PGBD5: variants seen among roughly 807,000 people sequenced by gnomAD.
The protein encoded by PGBD5 is piggyBac transposable element-derived protein 5.
Under a neutral mutation model 47.9 loss-of-function variants are expected in PGBD5, and 14 were observed. The ratio of observed to expected loss-of-function variants is 0.29; its 90% CI spans 0.19 to 0.46. PGBD5 has a LOEUF of 0.46. Among genes scored for constraint, PGBD5 ranks in the 20% least tolerant of loss-of-function variants. The pLI, the probability that PGBD5 is intolerant of heterozygous loss-of-function variation, is 1.00. For missense variants in PGBD5, 635 were observed against 716.0 expected, an observed-to-expected ratio of 0.89 and a Z score of 1.29; for synonymous variants, 316 against 306.3, an observed-to-expected ratio of 1.03 and a Z score of -0.33.
In PGBD5 at chr1:230,318,316, G is replaced by A. The variant is rs1345512281; in HGVS notation, c.*5109C>T. On this transcript the variant is annotated 3_prime_UTR_variant, in exon 7 of 7. Coordinates refer to ENST00000391860, the MANE Select transcript of PGBD5 (RefSeq NM_001258311.2). ...ATTCTCGAAGATGAGACACACAGAAGCCACGGAGAAAAAGGGATTAAGTGA... is the reference window on the plus strand; with the variant it reads ...ATTCTCGAAGATGAGACACACAGAAACCACGGAGAAAAAGGGATTAAGTGA... 2.0e-5 allele frequency: 3 copies of A among 152,196 alleles called. No homozygotes were observed. The highest frequency in any genetic ancestry group is 7.2e-5 in the African/African-American group (3 of 41,438). 9.4% of individuals were successfully genotyped at this position (152,196 alleles called of 1,614,324 possible). A position where few individuals can be genotyped will look rare whatever the true frequency, so the allele number is the denominator to read the frequency against.
intron 1 of PGBD5, among the ~76,000 whole-genome samples, chr1:230,405,696 A>AT (rs1157284156): frequency 5.3e-5 from 8 of 152,204 alleles, no homozygotes; most frequent in Non-Finnish European, 1.0e-4. Context: ...GTCTCTAAAA[A>AT]TATATGGACC....
intron 1 of PGBD5, among the ~76,000 whole-genome samples, chr1:230,421,109 GC>G (rs772521661): frequency 6.6e-6 from 1 of 152,174 alleles, no homozygotes; most frequent in Non-Finnish European, 1.5e-5. Context: ...CTGAAAAACA[GC>G]TCTGAGTACT....
At position 230,392,971 on chromosome 1, in the gene PGBD5, G is replaced by A. The variant is rs139084942; in HGVS notation, c.331+32627C>T. Among the ~76,000 whole-genome samples, 40 of 151,680 alleles carry A rather than the reference G, an allele frequency of 2.6e-4. 1 individual carries two copies. The East Asian group carries it at 7.6e-3, about 29-fold the overall frequency. On this transcript the variant is annotated intron_variant, in intron 1 of 6. Coordinates refer to ENST00000391860, the MANE Select transcript of PGBD5 (RefSeq NM_001258311.2). ...GGGAGAGGCACAGGAAGGGGAGGAG[G>A]AGGAAAAGGGAGAGCAGTGGTGGGC...
rs375177356 is a variant in PGBD5 at position 230,366,849 on chromosome 1, C to T, written c.332-9528G>A. ...GTCCCCCTTCCCGGGAGCCGACGTA[C>T]AGATGGCTGTTACGAAACAGCCGCC... On this transcript the variant is annotated intron_variant, in intron 1 of 6. Coordinates refer to ENST00000391860, the MANE Select transcript of PGBD5 (RefSeq NM_001258311.2). Among the ~76,000 whole-genome samples, 40 of 152,310 alleles carry T rather than the reference C, an allele frequency of 2.6e-4. No homozygotes were observed. The East Asian group carries it at 3.3e-3, about 13-fold the overall frequency.
In PGBD5 at chr1:230,396,537, G is replaced by C. The variant is rs529890499; in HGVS notation, c.331+29061C>G. On this transcript the variant is annotated intron_variant, in intron 1 of 6. Coordinates refer to ENST00000391860, the MANE Select transcript of PGBD5 (RefSeq NM_001258311.2). ...ATCAGGTTCTCCTTCCAGCCCCCTT[G>C]ACAGCTAAGGTACATTTTGTTGCCC... 2.9e-5 allele frequency among the ~76,000 whole-genome samples: 4 copies of C among 138,216 alleles called. 1 individual carries two copies. The highest frequency in any genetic ancestry group is 7.9e-3 in the Middle Eastern group (2 of 254). 90.7% of individuals were successfully genotyped at this position (138,216 alleles called of 152,430 possible).
chr1:230,411,563 T>C (rs115976581), intron 1 of PGBD5, among the ~76,000 whole-genome samples: 1,598 of 152,320 alleles, frequency 0.01, 30 homozygotes, highest in African/African-American at 0.036. Flanking sequence ...GTGATTCTAC[T>C]ATTAAATGGC....
rs148986137 is a variant in PGBD5 at position 230,382,787 on chromosome 1, G to A, written c.332-25466C>T. On this transcript the variant is annotated intron_variant, in intron 1 of 6. Transcript: ENST00000391860. ...CAGAATGAAGACCCAACATTTCAATGAGTAACAGAAGCTTATATACTGTCT... is the reference window on the plus strand; with the variant it reads ...CAGAATGAAGACCCAACATTTCAATAAGTAACAGAAGCTTATATACTGTCT... Among the ~76,000 whole-genome samples, 233 of 152,188 alleles carry A rather than the reference G, an allele frequency of 1.5e-3. 1 individual carries two copies. Among genetic ancestry groups the A allele is most frequent in the African/African-American group, 5.4e-3 (224 of 41,524 alleles).
chr1:230,335,763 A>ATG (rs1491208859), intron 4 of PGBD5, among the ~76,000 whole-genome samples: 16 of 137,230 alleles, frequency 1.2e-4, no homozygotes, highest in African/African-American at 2.3e-4. Flanking sequence ...ACAGATACAC[A>ATG]GATACAGACA....
At position 230,322,302 on chromosome 1, in the gene PGBD5, T is replaced by C. The variant is rs1048862100; in HGVS notation, c.*1123A>G. On this transcript the variant is annotated 3_prime_UTR_variant, in exon 7 of 7. Coordinates refer to ENST00000391860, the MANE Select transcript of PGBD5 (RefSeq NM_001258311.2). This position sits in a 1 kb window ranked among gnomAD's most constrained non-coding sequence, Gnocchi z 5.9. ...ATGTCAAATCACACCTGACCAGAGT[T>C]GTCACCACAGTCCTGTTTTGGGGTT... 1 of 152,230 alleles carries C rather than the reference T, an allele frequency of 6.6e-6. No homozygotes were observed. The highest frequency in any genetic ancestry group is 1.5e-5 in the Non-Finnish European group (1 of 68,056). 9.4% of individuals were successfully genotyped at this position (152,230 alleles called of 1,614,324 possible).
In PGBD5 at chr1:230,425,130, G is replaced by C. The variant is rs927944031; in HGVS notation, c.331+468C>G. On this transcript the variant is annotated intron_variant, in intron 1 of 6. Transcript: ENST00000391860. The surrounding 1 kb of genome is among the most constrained non-coding windows in gnomAD (Gnocchi z 4.7). ...GTGGCCTCTCTCTCAACTCTCACTG[G>C]GCCAACTCCTACCTGCCTCGCCCGC... is the stretch of plus-strand genomic sequence containing the variant. Among the ~76,000 whole-genome samples the C allele has an allele frequency of 2.0e-5, 3 of 152,026 alleles. No homozygotes were observed. Among genetic ancestry groups the C allele is most frequent in the African/African-American group, 7.3e-5 (3 of 41,364 alleles).
intron 1 of PGBD5, among the ~76,000 whole-genome samples, chr1:230,363,581 C>CAA (rs58358621): frequency 2.2e-5 from 3 of 138,566 alleles, no homozygotes; most frequent in South Asian, 2.3e-4. Context: ...GACTCCATCT[C>CAA]AAAAAAAAAA....
At chr1:230,367,974 A>G in intron 1 of PGBD5, 4 of 1,367,056 alleles carry the variant, frequency 2.9e-6, no homozygotes, top group Non-Finnish European at 3.9e-6. Flanking sequence ...AGGTCCTGCA[A>G]GCTGGACACC....
At chr1:230,417,806 G>C (rs1364722073) in intron 1 of PGBD5, among the ~76,000 whole-genome samples, 1 of 152,172 alleles carries the variant, frequency 6.6e-6, no homozygotes, top group Admixed American at 6.5e-5. Flanking sequence ...TGAACCCCAG[G>C]GGACATGTCT....
chr1:230,369,086 TGA>T (rs1366434365), intron 1 of PGBD5, among the ~76,000 whole-genome samples: 43 of 152,378 alleles, frequency 2.8e-4, no homozygotes, highest in African/African-American at 9.6e-4. Flanking sequence ...CCAGACAGAA[TGA>T]GAGTCTCGGG....
intron 5 of PGBD5, among the ~76,000 whole-genome samples, chr1:230,331,126 G>A (rs1161216788): frequency 6.6e-6 from 1 of 152,054 alleles, no homozygotes; most frequent in Non-Finnish European, 1.5e-5. Context: ...AAAATAATTT[G>A]GTGGGGCTGG....
At chr1:230,420,304 A>G (rs1258748216) in intron 1 of PGBD5, among the ~76,000 whole-genome samples, 4 of 152,244 alleles carry the variant, frequency 2.6e-5, no homozygotes, top group Non-Finnish European at 4.4e-5. Flanking sequence ...AAATGTTCAT[A>G]ATATATTAAT....
At chr1:230,359,243 G>C (rs1370580217) in intron 1 of PGBD5, among the ~76,000 whole-genome samples, 1 of 152,052 alleles carries the variant, frequency 6.6e-6, no homozygotes, top group Non-Finnish European at 1.5e-5. Context: ...TGTATTTTTA[G>C]TAGAGACGGG....
At chr1:230,391,317 C>T (rs17715058) in intron 1 of PGBD5, among the ~76,000 whole-genome samples, 8,104 of 152,250 alleles carry the variant, frequency 0.053, 232 homozygotes, top group South Asian at 0.073. Context: ...TCAGAAATTG[C>T]GCATGGGATT....
intron 5 of PGBD5, among the ~76,000 whole-genome samples, chr1:230,329,864 TA>T (rs924897437): frequency 3.9e-5 from 6 of 152,076 alleles, no homozygotes; most frequent in African/African-American, 1.4e-4. Context: ...AATTACACCA[TA>T]AAACAGCCAG....
Sources: allele counts gnomAD v4.1 joint callset (sites outside exome capture counted in the v4.1 genomes callset), GRCh38; gene constraint gnomAD v4.1.1; non-coding constraint Gnocchi (gnomAD v3.1); transcripts MANE v1.5; gene names NCBI Gene and HGNC (gene_info 2026-07-23, HGNC 2026-07-21).